FADS2: variants seen among roughly 807,000 people sequenced by gnomAD.
The protein encoded by FADS2 is acyl-CoA 6-desaturase.
Under a neutral mutation model 61.2 loss-of-function variants are expected in FADS2, and 18 were observed. The ratio of observed to expected loss-of-function variants is 0.29; its 90% CI spans 0.20 to 0.44. The LOEUF (loss-of-function observed/expected upper bound fraction) is 0.44, where lower values mean the gene tolerates loss of function less well. Among genes scored for constraint, FADS2 ranks in the 20% least tolerant of loss-of-function variants. The pLI is 1.00. For missense variants in FADS2, 322 were observed against 572.7 expected, an observed-to-expected ratio of 0.56 and a Z score of 4.47; for synonymous variants, 203 against 223.9, an observed-to-expected ratio of 0.91 and a Z score of 0.83.
At chr11:61,838,718 C>G (rs1335842056) in intron 2 of FADS2, among the ~76,000 whole-genome samples, 2 of 152,136 alleles carry the variant, frequency 1.3e-5, no homozygotes, top group Non-Finnish European at 2.9e-5. Context: ...GGCCAATGCC[C>G]CTCCTCTCAC....
intron 1 of FADS2, among the ~76,000 whole-genome samples, chr11:61,820,038 C>T (rs1348930576): frequency 6.6e-6 from 1 of 151,894 alleles, no homozygotes. Flanking sequence ...ACCTGGCCAA[C>T]ATGGTGAAAC....
rs763050225 is a variant in FADS2, at chr11:61,816,349, C to T, written c.64C>T (p.Pro22Ser). 8 of 1,598,396 alleles carry T rather than the reference C, an allele frequency of 5.0e-6. No homozygotes were observed. The highest frequency in any genetic ancestry group is 5.9e-6 in the Non-Finnish European group (7 of 1,179,778). ...CGTGTTGTTGGCCTCCATCCCCACTCCCCAGACTCCACTTCTCCAGGCCTC... is the reference window on the plus strand; with the variant it reads ...CGTGTTGTTGGCCTCCATCCCCACTTCCCAGACTCCACTTCTCCAGGCCTC... The change falls in exon 1 of 12, where the codon CCC (proline) becomes TCC (serine). Residue 22 changes from proline to serine, a missense_variant. Physicochemically the swap from Pro to Ser is moderately conservative, Grantham distance 74. Coordinates refer to the FADS2 transcript ENST00000257261. The surrounding 1 kb of genome is among the most constrained non-coding windows in gnomAD (Gnocchi z 7.0).
intron 1 of FADS2, among the ~76,000 whole-genome samples, chr11:61,820,595 A>G (rs1439698843): frequency 6.6e-6 from 1 of 152,058 alleles, no homozygotes; most frequent in Admixed American, 6.5e-5. Flanking sequence ...TCTAGGTGGA[A>G]TCCCACATAA....
intron 5 of FADS2, chr11:61,856,272 C>G (rs796346426): frequency 1.7e-4 from 26 of 152,370 alleles, no homozygotes; most frequent in African/African-American, 6.3e-4. Context: ...CAGCCCAGCC[C>G]TCCTCCATTA....
upstream of FADS2, among the ~76,000 whole-genome samples, chr11:61,823,671 C>A (rs146712864): frequency 6.6e-6 from 1 of 152,282 alleles, no homozygotes; most frequent in African/African-American, 2.4e-5. Context: ...CATGCACCAC[C>A]ACATCCAACT....
At chr11:61,849,716 A>G (rs530428347) in intron 5 of FADS2, 1 of 152,184 alleles carries the variant, frequency 6.6e-6, no homozygotes, top group African/African-American at 2.4e-5. Flanking sequence ...ATAAACATGC[A>G]TATATCTGTT....
intron 5 of FADS2, among the ~76,000 whole-genome samples, chr11:61,852,255 CTTTTTGTTTTTG>C (rs894054731): frequency 5.9e-5 from 9 of 152,174 alleles, no homozygotes; most frequent in African/African-American, 1.7e-4. Flanking sequence ...CTTTCTCTCT[CTTTTTGTTTTTG>C]TTTTTGTTTT....
At chr11:61,853,275 C>A (rs1175321476) in intron 5 of FADS2, among the ~76,000 whole-genome samples, 1 of 88,116 alleles carries the variant, frequency 1.1e-5, no homozygotes, top group Non-Finnish European at 2.2e-5. Context: ...CCCTCCCTCC[C>A]TTCCCTCCCT....
intron 5 of FADS2, among the ~76,000 whole-genome samples, chr11:61,850,109 T>TC (rs558348802): frequency 2.0e-5 from 3 of 151,994 alleles, no homozygotes; most frequent in South Asian, 2.1e-4. Context: ...TGGATGCCCT[T>TC]CCCCCCCAGT....
At chr11:61,819,328 C>T (rs1307011334) in intron 1 of FADS2, among the ~76,000 whole-genome samples, 2 of 152,194 alleles carry the variant, frequency 1.3e-5, no homozygotes, top group East Asian at 3.8e-4. Context: ...ATAATCCTAG[C>T]ACTTTGGGAG....
chr11:61,850,898 C>A (rs1017013929), intron 5 of FADS2, among the ~76,000 whole-genome samples: 1 of 152,160 alleles, frequency 6.6e-6, no homozygotes, highest in Non-Finnish European at 1.5e-5. Context: ...GAGGAGACAG[C>A]CTGGCTCCCC....
intron 10 of FADS2, among the ~76,000 whole-genome samples, chr11:61,864,727 G>C (rs1277592050): frequency 6.6e-6 from 1 of 151,932 alleles, no homozygotes; most frequent in African/African-American, 2.4e-5. Context: ...GTAGAGAAGA[G>C]GTCTTGCCGT....
At chr11:61,829,341 G>T (rs561067341) in intron 1 of FADS2, 1 of 152,246 alleles carries the variant, frequency 6.6e-6, no homozygotes, top group Non-Finnish European at 1.5e-5. Flanking sequence ...CAACAGGTCC[G>T]TCTGCACTCG....
chr11:61,850,678 C>A (rs1035495434), intron 5 of FADS2, among the ~76,000 whole-genome samples: 26 of 151,982 alleles, frequency 1.7e-4, no homozygotes, highest in Admixed American at 6.6e-5. Context: ...TAAATATATG[C>A]GCTGCTTTTT....
intron 7 of FADS2, among the ~76,000 whole-genome samples, chr11:61,859,482 T>A (rs1480937099): frequency 7.2e-5 from 11 of 152,350 alleles, no homozygotes; most frequent in Non-Finnish European, 1.0e-4. Flanking sequence ...TAACTCCATT[T>A]GGAGGTGTCC....
At chr11:61,829,519 C>T (rs2067110230) in intron 1 of FADS2, among the ~76,000 whole-genome samples, 1 of 152,198 alleles carries the variant, frequency 6.6e-6, no homozygotes, top group Non-Finnish European at 1.5e-5. Context: ...ACCAGCTACC[C>T]GCACCGGGGA....
rs372673894 is a variant in FADS2, at chr11:61,863,396, G to A, written c.1077+18G>A. Reference sequence around the variant, plus strand: ...GTAGCCAGGTAGGGAAGTCAGGGCCGGTCACCAGAGCCTGGTCCCAATGTC... The same window carrying A: ...GTAGCCAGGTAGGGAAGTCAGGGCCAGTCACCAGAGCCTGGTCCCAATGTC... On this transcript the variant is annotated intron_variant, in intron 9 of 11. Coordinates refer to ENST00000278840, the MANE Select transcript of FADS2 (RefSeq NM_004265.4). The A allele has an allele frequency of 4.8e-5, 74 of 1,550,738 alleles. No individual in the cohort carries two copies. Among genetic ancestry groups the A allele is most frequent in the South Asian group, 1.8e-4 (16 of 89,792 alleles).
At chr11:61,824,220 A>G (rs1240541736), upstream of FADS2, among the ~76,000 whole-genome samples, 1 of 151,700 alleles carries the variant, frequency 6.6e-6, no homozygotes, top group East Asian at 1.9e-4. Context: ...TGTCTCTACT[A>G]AAAATACAAA....
At chr11:61,830,378 T>C (rs1337509709) in intron 1 of FADS2, among the ~76,000 whole-genome samples, 1 of 152,230 alleles carries the variant, frequency 6.6e-6, no homozygotes, top group Non-Finnish European at 1.5e-5. Context: ...CCTTTCTGGT[T>C]TAATTACCAT....
Sources: allele counts gnomAD v4.1 joint callset (sites outside exome capture counted in the v4.1 genomes callset), GRCh38; gene constraint gnomAD v4.1.1; non-coding constraint Gnocchi (gnomAD v3.1); transcripts MANE v1.5; gene names NCBI Gene and HGNC (gene_info 2026-07-23, HGNC 2026-07-21).